The following NTN1 variants were observed in gnomAD, a reference collection of about 807,000 sequenced individuals.
NTN1 encodes netrin 1.
NTN1 carries 11 observed loss-of-function variants against 54.2 expected under a neutral mutation model. The observed-to-expected ratio is 0.20, with a 90% CI of 0.13 to 0.34. The LOEUF is 0.34. Ranked by LOEUF, NTN1 falls within the 10% of genes least tolerant of loss-of-function variation. The probability of loss-of-function intolerance (pLI) is 1.00; values close to 1 mark genes in which losing one functional copy is unlikely to be tolerated. For missense variants in NTN1, 740 were observed against 893.1 expected (o/e 0.83, Z 2.18); for synonymous variants, 371 against 382.0 (o/e 0.97, Z 0.33).
At chr17:9,238,392 G>A (rs904756370) in intron 6 of NTN1, among the ~76,000 whole-genome samples, 2 of 152,222 alleles carry the variant, frequency 1.3e-5, no homozygotes, top group African/African-American at 4.8e-5. Flanking sequence ...TACAGTGTGT[G>A]AGGGTGGGAT....
chr17:9,024,574 G>A (rs1413832042), intron 2 of NTN1, among the ~76,000 whole-genome samples: 3 of 152,314 alleles, frequency 2.0e-5, no homozygotes, highest in African/African-American at 7.2e-5. Flanking sequence ...GTCTGGTTCT[G>A]ATTAATTGTG....
intron 2 of NTN1, among the ~76,000 whole-genome samples, chr17:9,040,769 G>C (rs1158158651): frequency 6.6e-6 from 1 of 151,838 alleles, no homozygotes; most frequent in East Asian, 1.9e-4. Context: ...CTCTATTCCT[G>C]ACTTACTGGG....
chr17:9,093,438 C>T (rs1229650913), intron 2 of NTN1, among the ~76,000 whole-genome samples: 2 of 152,206 alleles, frequency 1.3e-5, no homozygotes, highest in Non-Finnish European at 2.9e-5. Context: ...TCACAGTTCA[C>T]TGTAGTTTTG....
chr17:9,084,388 G>C (rs1317742164), intron 2 of NTN1, among the ~76,000 whole-genome samples: 3 of 152,154 alleles, frequency 2.0e-5, no homozygotes, highest in Non-Finnish European at 4.4e-5. Flanking sequence ...TCATTGTGTG[G>C]GAGGGAAACC....
chr17:9,149,321 C>T lies in NTN1; in HGVS notation c.1019-13492C>T, dbSNP rs899883014. 8.0e-5 allele frequency among the ~76,000 whole-genome samples: 12 copies of T among 149,370 alleles called. No homozygotes were observed. The East Asian group carries it at 1.0e-3, about 13-fold the overall frequency. ...CTGCTAACCAGACATCTGGGCAGGG[C>T]GGGCAAGTCACAGAGCAAAGAGAAT... On this transcript the variant is annotated intron_variant, in intron 2 of 6. Coordinates refer to ENST00000173229, the MANE Select transcript of NTN1 (RefSeq NM_004822.3).
intron 2 of NTN1, among the ~76,000 whole-genome samples, chr17:9,062,330 G>A (rs1350966805): frequency 6.6e-6 from 1 of 152,222 alleles, no homozygotes; most frequent in Non-Finnish European, 1.5e-5. Context: ...AAAGTGTTGG[G>A]ATTTTCAGAT....
chr17:9,145,488 G>A (rs969706582), intron 2 of NTN1, among the ~76,000 whole-genome samples: 1 of 152,226 alleles, frequency 6.6e-6, no homozygotes, highest in African/African-American at 2.4e-5. Flanking sequence ...AGCTGGGGGA[G>A]AAGAAAGGGC....
intron 2 of NTN1, among the ~76,000 whole-genome samples, chr17:9,024,840 T>C (rs1471887657): frequency 1.3e-5 from 2 of 152,206 alleles, no homozygotes; most frequent in African/African-American, 2.4e-5. Flanking sequence ...AAGACACTTT[T>C]CAAGATTTCG....
Position 9,136,225 on chromosome 17 carries a change from GCTTTA to G in NTN1, c.1019-26582_1019-26578del, listed in dbSNP as rs1346767342. ...ACAAAACCAAACCAAACGGAGCCTA[GCTTTA>G]CTTTATTCTGAAGTGGTTCAGAGTA... On this transcript the variant is annotated intron_variant, in intron 2 of 6. Transcript: ENST00000173229. Among the ~76,000 whole-genome samples, 8 of 152,338 alleles carry G rather than the reference GCTTTA, an allele frequency of 5.3e-5. No individual in the cohort carries two copies. In the East Asian group the frequency reaches 1.5e-3, roughly 29 times the overall value.
intron 5 of NTN1, among the ~76,000 whole-genome samples, chr17:9,187,540 G>A (rs192230027): frequency 1.6e-4 from 24 of 151,976 alleles, no homozygotes; most frequent in African/African-American, 5.3e-4. Flanking sequence ...GGCCAGGTGC[G>A]GTGGCTCACG....
chr17:9,207,058 G>A (rs1257574588), intron 5 of NTN1, among the ~76,000 whole-genome samples: 1 of 152,184 alleles, frequency 6.6e-6, no homozygotes, highest in Non-Finnish European at 1.5e-5. Flanking sequence ...CTGCCGCACA[G>A]TGGTGGCAGC....
At chr17:9,136,555 C>T (rs769923823) in intron 2 of NTN1, among the ~76,000 whole-genome samples, 2 of 151,584 alleles carry the variant, frequency 1.3e-5, no homozygotes, top group Non-Finnish European at 2.9e-5. Context: ...CCAGCCTGGG[C>T]AACAGAGCAA....
rs1406857502 is a variant in NTN1 at position 9,212,136 on chromosome 17, TAGAG to T, written c.1412-9028_1412-9025del. On this transcript the variant is annotated intron_variant, in intron 5 of 6. Coordinates refer to ENST00000173229, the MANE Select transcript of NTN1 (RefSeq NM_004822.3). This position sits in a 1 kb window ranked among gnomAD's most constrained non-coding sequence, Gnocchi z 5.5. ...TGGGTCAGCGAGACTAGTACAGGCT[TAGAG>T]AGATGGGTGGGGGCTAGAGATCTGC... 1.3e-5 allele frequency among the ~76,000 whole-genome samples: 2 copies of T among 152,128 alleles called. No individual in the cohort carries two copies.
intron 2 of NTN1, among the ~76,000 whole-genome samples, chr17:9,112,581 T>G (rs2092195566): frequency 6.9e-6 from 1 of 144,626 alleles, no homozygotes; most frequent in Admixed American, 6.8e-5. Flanking sequence ...ATCCCAGCAC[T>G]TTGGGAGGCC....
At chr17:9,224,861 A>G (rs893823462) in intron 6 of NTN1, among the ~76,000 whole-genome samples, 10 of 152,094 alleles carry the variant, frequency 6.6e-5, no homozygotes, top group Admixed American at 2.6e-4. Context: ...CTCTGGCACC[A>G]CTAGCTTTCA....
upstream of NTN1, among the ~76,000 whole-genome samples, chr17:9,021,202 G>A (rs1437606758): frequency 6.6e-6 from 1 of 151,782 alleles, no homozygotes; most frequent in Non-Finnish European, 1.5e-5. Flanking sequence ...CGGGGCGCGG[G>A]CGAGGCTGAC....
At chr17:9,210,211 G>T (rs1364153222) in intron 5 of NTN1, among the ~76,000 whole-genome samples, 2 of 151,976 alleles carry the variant, frequency 1.3e-5, no homozygotes, top group Non-Finnish European at 2.9e-5. Context: ...CTTTGCACAG[G>T]CTGCTCCTCC....
chr17:9,225,985 C>T (rs911766959), intron 6 of NTN1, among the ~76,000 whole-genome samples: 6 of 152,170 alleles, frequency 3.9e-5, no homozygotes, highest in Non-Finnish European at 5.9e-5. Flanking sequence ...TGGGGCTCCG[C>T]GGACCTGGGC....
At chr17:9,182,394 G>A (rs1045571001) in intron 4 of NTN1, among the ~76,000 whole-genome samples, 1 of 152,232 alleles carries the variant, frequency 6.6e-6, no homozygotes, top group Non-Finnish European at 1.5e-5. Context: ...CTTAGCGCTT[G>A]AGATGTGAGG....
Sources: gnomAD v4.1 joint callset for allele counts (sites outside exome capture counted in the v4.1 genomes callset) on GRCh38, gnomAD v4.1.1 for gene constraint, Gnocchi (gnomAD v3.1) non-coding constraint, MANE v1.5 for transcripts, NCBI Gene and HGNC (gene_info 2026-07-23, HGNC 2026-07-21) for gene names.